The following AHCTF1 variants were observed in gnomAD, a reference collection of about 807,000 sequenced individuals.
AHCTF1 encodes the protein AT-hook containing transcription factor 1.
AHCTF1 carries 24 observed loss-of-function variants against 248.4 expected under a neutral mutation model. That is an observed-to-expected ratio of 0.10 (90% CI 0.07 to 0.14). The LOEUF (loss-of-function observed/expected upper bound fraction) is 0.14. Ranked by LOEUF, AHCTF1 falls within the 10% of genes least tolerant of loss-of-function variation. The probability of loss-of-function intolerance (pLI) is 1.00; values close to 1 mark genes in which losing one functional copy is unlikely to be tolerated. For missense variants in AHCTF1, 2,206 were observed against 2,636.2 expected (o/e 0.84, Z 3.57); for synonymous variants, 786 against 929.8 (o/e 0.85, Z 2.81).
intron 6 of AHCTF1, among the ~76,000 whole-genome samples, chr1:246,905,031 G>A (rs564094653): frequency 3.5e-4 from 53 of 152,258 alleles, no homozygotes; most frequent in African/African-American, 1.2e-3. Flanking sequence ...AAGTAAGTCC[G>A]CACAATTTCT....
intron 28 of AHCTF1, among the ~76,000 whole-genome samples, chr1:246,861,658 G>A (rs1184693141): frequency 6.6e-6 from 1 of 152,020 alleles, no homozygotes; most frequent in Non-Finnish European, 1.5e-5. Context: ...ATAAAAGAAG[G>A]ACTAAAAATT....
rs1162395096 is a variant in AHCTF1 at position 246,839,466 on chromosome 1, T to TA, written c.*1339dup. ...TAAATACAAGTTTGATAACTATCATTAAAAAAGTAATAAAATCAAAGTCAG... is the reference window on the plus strand; with the variant it reads ...TAAATACAAGTTTGATAACTATCATTAAAAAAAGTAATAAAATCAAAGTCAG... On this transcript the variant is annotated 3_prime_UTR_variant, in exon 36 of 36. Coordinates refer to ENST00000648844, the MANE Select transcript of AHCTF1 (RefSeq NM_001323342.2). 1 of 892,214 alleles carries TA rather than the reference T, an allele frequency of 1.1e-6. No homozygotes were observed. Among genetic ancestry groups the TA allele is most frequent in the Non-Finnish European group, 1.3e-6 (1 of 745,260 alleles). The allele number at this position is 892,214 out of a possible 1,614,324, so 55.3% of individuals were successfully genotyped here. A position where few individuals can be genotyped will look rare whatever the true frequency, so the allele number is the denominator to read the frequency against.
At chr1:246,869,893 T>C (rs1310077238) in intron 24 of AHCTF1, among the ~76,000 whole-genome samples, 1 of 152,152 alleles carries the variant, frequency 6.6e-6, no homozygotes, top group East Asian at 1.9e-4. Context: ...ATACATTTCA[T>C]AAAGCTATAG....
chr1:246,924,056 C>T (rs1368393618), intron 1 of AHCTF1, among the ~76,000 whole-genome samples: 2 of 152,188 alleles, frequency 1.3e-5, no homozygotes, highest in Non-Finnish European at 1.5e-5. Flanking sequence ...TCAGCACTCC[C>T]CCTCCTATCT....
chr1:246,883,252 T>C (rs1663584098), intron 21 of AHCTF1, among the ~76,000 whole-genome samples: 1 of 152,218 alleles, frequency 6.6e-6, no homozygotes, highest in South Asian at 2.1e-4. Context: ...TGGACTATTA[T>C]GCAGCTTAAC....
rs538411214 is a variant in AHCTF1 at position 246,929,912 on chromosome 1, T to C, written c.-8+1666A>G. ...ACTAAAAATACAAAAATTAGCCGGG[T>C]GTGGTGGCGTGCGCCTGTAATCCCA... is the stretch of plus-strand genomic sequence containing the variant. On this transcript the variant is annotated intron_variant, in intron 1 of 35. Coordinates refer to ENST00000648844, the MANE Select transcript of AHCTF1 (RefSeq NM_001323342.2). Among the ~76,000 whole-genome samples, 163 of 151,864 alleles carry C rather than the reference T, an allele frequency of 1.1e-3. 3 individuals are homozygous for C. The highest frequency in any genetic ancestry group is 2.0e-3 in the Non-Finnish European group (136 of 67,900).
At chr1:246,931,141 C>T in intron 1 of AHCTF1, 1 of 1,550,188 alleles carries the variant, frequency 6.5e-7, no homozygotes, top group Non-Finnish European at 8.7e-7. Context: ...TGGCCAGGCC[C>T]AAGCGCATGT....
At chr1:246,908,525 A>C (rs948630531) in intron 4 of AHCTF1, among the ~76,000 whole-genome samples, 3 of 151,994 alleles carry the variant, frequency 2.0e-5, no homozygotes, top group African/African-American at 7.3e-5. Flanking sequence ...TTAATGAGAA[A>C]ATTATTCTTT....
At chr1:246,908,537 C>T (rs904676133) in intron 4 of AHCTF1, among the ~76,000 whole-genome samples, 2 of 151,854 alleles carry the variant, frequency 1.3e-5, no homozygotes, top group African/African-American at 2.4e-5. Flanking sequence ...TTATTCTTTA[C>T]ATTGACAGAA....
At chr1:246,928,415 C>A (rs941856337) in intron 1 of AHCTF1, among the ~76,000 whole-genome samples, 1 of 152,000 alleles carries the variant, frequency 6.6e-6, no homozygotes, top group Non-Finnish European at 1.5e-5. Context: ...GACAAGGTCA[C>A]AGTGCCTTTG....
At position 246,868,121 on chromosome 1, in the gene AHCTF1, C is replaced by T. The variant is rs1486906979; in HGVS notation, c.3089-310G>A. Among the ~76,000 whole-genome samples the T allele has an allele frequency of 1.5e-4, 22 of 149,940 alleles. No individual in the cohort carries two copies. In the East Asian group the frequency reaches 3.1e-3, roughly 21 times the overall value. ...GGGATTACAGGCATGGCCACCAAGC[C>T]CGGCTAATTTTTTTTTTTTTTTTTT... On this transcript the variant is annotated intron_variant, in intron 24 of 35. Coordinates refer to ENST00000648844, the MANE Select transcript of AHCTF1 (RefSeq NM_001323342.2).
At chr1:246,902,383 T>G in intron 8 of AHCTF1, 142 bp downstream of exon 8, 2 of 951,808 alleles carry the variant, frequency 2.1e-6, no homozygotes, top group Non-Finnish European at 3.1e-6. Context: ...AAATATCTAG[T>G]ATCTCATATA....
At chr1:246,889,335 G>T (rs1043041444) in intron 17 of AHCTF1, among the ~76,000 whole-genome samples, 1 of 151,850 alleles carries the variant, frequency 6.6e-6, no homozygotes, top group East Asian at 1.9e-4. Flanking sequence ...TACTCTTTGC[G>T]GTTGTCCAAT....
At chr1:246,898,360 C>G (rs774004801) in intron 11 of AHCTF1, 24 bp from the exon 12 acceptor site, 1 of 1,593,460 alleles carries the variant, frequency 6.3e-7, no homozygotes, top group Non-Finnish European at 8.6e-7. Flanking sequence ...ATTAGTAAGG[C>G]ATCAATCAAT....
intron 24 of AHCTF1, among the ~76,000 whole-genome samples, chr1:246,871,191 G>A (rs1405718010): frequency 6.6e-6 from 1 of 152,118 alleles, no homozygotes; most frequent in Admixed American, 6.6e-5. Flanking sequence ...TAGGACAGTG[G>A]TTACTACTTG....
chr1:246,849,584 GA>G, intron 33 of AHCTF1, 30 bp downstream of exon 33: 1 of 1,563,988 alleles, frequency 6.4e-7, no homozygotes, highest in South Asian at 1.2e-5. Flanking sequence ...TGACTGAGAT[GA>G]AAAACTGTTT....
chr1:246,884,538 A>G (rs1458347878), intron 21 of AHCTF1, among the ~76,000 whole-genome samples: 2 of 152,232 alleles, frequency 1.3e-5, no homozygotes, highest in Non-Finnish European at 2.9e-5. Flanking sequence ...AAAGTGGTAT[A>G]AAATAAGTCT....
chr1:246,900,331 T>C lies in AHCTF1; in HGVS notation c.1250+6A>G, dbSNP rs775053557. On this transcript the variant is annotated splice_donor_region_variant and intron_variant, in intron 9 of 35. Transcript: ENST00000648844. ...AGAAAGGAGAGAGAAAAAAAAAGAA[T>C]CATACCTTAACGAATCTGGCATTTG... The C allele has an allele frequency of 1.3e-6, 2 of 1,587,730 alleles. No homozygotes were observed. The highest frequency in any genetic ancestry group is 1.7e-6 in the Non-Finnish European group (2 of 1,173,972).
intron 1 of AHCTF1, among the ~76,000 whole-genome samples, chr1:246,923,360 G>A (rs1362431637): frequency 6.6e-6 from 1 of 151,728 alleles, no homozygotes; most frequent in African/African-American, 2.4e-5. Context: ...GGTTGCAGTG[G>A]GCCAAAATTG....
Sources: allele counts gnomAD v4.1 joint callset (sites outside exome capture counted in the v4.1 genomes callset), GRCh38; gene constraint gnomAD v4.1.1; transcripts MANE v1.5; gene names NCBI Gene and HGNC (gene_info 2026-07-23, HGNC 2026-07-21).